FAM135B: variants seen among roughly 807,000 people sequenced by gnomAD.
FAM135B encodes family with sequence similarity 135 member B.
In FAM135B, 43 loss-of-function variants were observed where a neutral mutation model predicts 127.7. The ratio of observed to expected loss-of-function variants is 0.34; its 90% CI spans 0.26 to 0.43. FAM135B has a LOEUF of 0.43. Among genes scored for constraint, FAM135B ranks in the 20% least tolerant of loss-of-function variants. The pLI, the probability that FAM135B is intolerant of heterozygous loss-of-function variation, is 1.00. For missense variants in FAM135B, 1,558 were observed against 1,725.6 expected (o/e 0.90, Z 1.72); for synonymous variants, 670 against 665.1 (o/e 1.01, Z -0.11).
intron 3 of FAM135B, among the ~76,000 whole-genome samples, chr8:138,273,665 AATGACAACAACAATCCG>A (rs1005438283): frequency 1.3e-5 from 2 of 152,114 alleles, no homozygotes; most frequent in African/African-American, 4.8e-5. Context: ...TACAGGCAAA[AATGACAACAACAATCCG>A]ACTACACTGG....
chr8:138,435,022 C>T (rs112699629), intron 1 of FAM135B, among the ~76,000 whole-genome samples: 6 of 152,136 alleles, frequency 3.9e-5, no homozygotes, highest in South Asian at 2.1e-4. Flanking sequence ...TGAAGCCACA[C>T]GCCAGCCAGG....
chr8:138,227,852 C>T (rs1819592235), intron 7 of FAM135B, among the ~76,000 whole-genome samples: 1 of 150,204 alleles, frequency 6.7e-6, no homozygotes, highest in Non-Finnish European at 1.5e-5. Flanking sequence ...TTATGTTGTA[C>T]AACAGATTTC....
At chr8:138,362,966 C>T (rs1830525408) in intron 2 of FAM135B, among the ~76,000 whole-genome samples, 1 of 152,104 alleles carries the variant, frequency 6.6e-6, no homozygotes. Context: ...TATGGAAAAG[C>T]TACGGATTCC....
chr8:138,184,471 C>T (rs565583450), intron 9 of FAM135B, among the ~76,000 whole-genome samples: 9 of 152,296 alleles, frequency 5.9e-5, no homozygotes, highest in African/African-American at 2.2e-4. Flanking sequence ...CTCCCCCATA[C>T]GGGGCCTTGT....
rs559186694 is a variant in FAM135B, at chr8:138,460,149, T to C, written c.-20+36522A>G. On this transcript the variant is annotated intron_variant, in intron 1 of 19. Coordinates refer to ENST00000395297, the MANE Select transcript of FAM135B (RefSeq NM_015912.4). ...CTAAGCAGTTTCTGTTCATTATCCA[T>C]TCCACTCATTATCACATTTATTACT... Among the ~76,000 whole-genome samples, 7 of 152,328 alleles carry C rather than the reference T, an allele frequency of 4.6e-5. No individual in the cohort carries two copies. In the East Asian group the frequency reaches 1.3e-3, roughly 29 times the overall value.
intron 1 of FAM135B, among the ~76,000 whole-genome samples, chr8:138,444,249 G>A (rs1326947307): frequency 6.6e-6 from 1 of 152,148 alleles, no homozygotes; most frequent in African/African-American, 2.4e-5. Context: ...CAACGAGACA[G>A]AAAGTTAACA....
At chr8:138,136,684 A>G (rs1816693637) in intron 19 of FAM135B, among the ~76,000 whole-genome samples, 2 of 152,212 alleles carry the variant, frequency 1.3e-5, no homozygotes, top group Admixed American at 6.6e-5. Flanking sequence ...CCTATCCTTT[A>G]AAACCTAACT....
At chr8:138,301,977 A>C (rs1373822928) in intron 3 of FAM135B, among the ~76,000 whole-genome samples, 2 of 152,148 alleles carry the variant, frequency 1.3e-5, no homozygotes, top group African/African-American at 4.8e-5. Context: ...GAAGCTTTGA[A>C]CAAGTAAAAC....
chr8:138,371,745 C>A (rs1222326477), intron 1 of FAM135B, among the ~76,000 whole-genome samples: 2 of 152,160 alleles, frequency 1.3e-5, no homozygotes, highest in African/African-American at 2.4e-5. Flanking sequence ...ATACCCAACC[C>A]GAAATACACC....
At chr8:138,188,884 C>A (rs183949135) in intron 9 of FAM135B, among the ~76,000 whole-genome samples, 10 of 152,320 alleles carry the variant, frequency 6.6e-5, no homozygotes, top group Admixed American at 2.6e-4. Context: ...ACACATCAAC[C>A]TGGGATCCCT....
intron 1 of FAM135B, among the ~76,000 whole-genome samples, chr8:138,421,892 G>A (rs576199313): frequency 6.6e-6 from 1 of 152,184 alleles, no homozygotes; most frequent in South Asian, 2.1e-4. Context: ...TGCACTACAA[G>A]GCTACAGAAA....
At chr8:138,360,065 C>T (rs1227551127) in intron 2 of FAM135B, among the ~76,000 whole-genome samples, 1 of 152,120 alleles carries the variant, frequency 6.6e-6, no homozygotes, top group East Asian at 1.9e-4. Context: ...GGGAGAAAAT[C>T]TCCTAAATGA....
Position 138,497,112 on chromosome 8 carries a change from C to T in FAM135B, c.-461G>A, listed in dbSNP as rs1476209594. On this transcript the variant is annotated 5_prime_UTR_variant, in exon 1 of 20. Coordinates refer to ENST00000395297, the MANE Select transcript of FAM135B (RefSeq NM_015912.4). ...CCTCCCGGGCTGCGCTCACCTCTGG[C>T]GCCCTCACTCCTCTCCTTCCTCCGC... is the stretch of plus-strand genomic sequence containing the variant. Among the ~76,000 whole-genome samples, 1 of 151,568 alleles carries T rather than the reference C, an allele frequency of 6.6e-6. No homozygotes were observed. The highest frequency in any genetic ancestry group is 2.4e-5 in the African/African-American group (1 of 41,382).
chr8:138,135,504 A>C (rs1816575091), intron 19 of FAM135B, among the ~76,000 whole-genome samples: 1 of 152,198 alleles, frequency 6.6e-6, no homozygotes, highest in South Asian at 2.1e-4. Context: ...ATTATAAGCA[A>C]ATATCTTTAA....
intron 7 of FAM135B, among the ~76,000 whole-genome samples, chr8:138,235,255 G>A (rs1415357568): frequency 2.6e-5 from 4 of 152,038 alleles, no homozygotes; most frequent in African/African-American, 9.7e-5. Flanking sequence ...AGCACCAAGG[G>A]CTCTAGAAAT....
At chr8:138,263,893 G>C (rs1000651681) in intron 4 of FAM135B, among the ~76,000 whole-genome samples, 1 of 152,230 alleles carries the variant, frequency 6.6e-6, no homozygotes. Context: ...ATACAATCCT[G>C]TGGAGCTTGC....
At chr8:138,197,805 T>C in intron 7 of FAM135B, 136 bp from the exon 8 acceptor site, 10 of 839,010 alleles carry the variant, frequency 1.2e-5, no homozygotes, top group Non-Finnish European at 1.8e-5. Context: ...GACCCCATCC[T>C]GAGTAAAACT....
intron 1 of FAM135B, among the ~76,000 whole-genome samples, chr8:138,489,723 A>G (rs1815126996): frequency 6.6e-6 from 1 of 151,524 alleles, no homozygotes; most frequent in Non-Finnish European, 1.5e-5. Context: ...TTCTTCACCC[A>G]CACTCTCTCT....
intron 9 of FAM135B, among the ~76,000 whole-genome samples, chr8:138,180,895 C>G (rs376307318): frequency 6.6e-6 from 1 of 152,218 alleles, no homozygotes; most frequent in Admixed American, 6.5e-5. Context: ...AGGGGTCAAA[C>G]AGGGAATGGC....
Sources: gnomAD v4.1 joint callset for allele counts (sites outside exome capture counted in the v4.1 genomes callset) on GRCh38, gnomAD v4.1.1 for gene constraint, MANE v1.5 for transcripts, NCBI Gene and HGNC (gene_info 2026-07-23, HGNC 2026-07-21) for gene names.